ADAMTS6: variants seen among roughly 807,000 people sequenced by gnomAD.
ADAMTS6 encodes A disintegrin and metalloproteinase with thrombospondin motifs 6.
In ADAMTS6, 23 loss-of-function variants were observed where a neutral mutation model predicts 144.3. The ratio of observed to expected loss-of-function variants is 0.16; its 90% CI spans 0.11 to 0.23. The LOEUF is 0.23. ADAMTS6 is among the 10% of genes least tolerant of loss of function. The probability of loss-of-function intolerance (pLI) is 1.00; values close to 1 mark genes in which losing one functional copy is unlikely to be tolerated. For missense variants in ADAMTS6, 999 were observed against 1,379.6 expected (o/e 0.72, Z 4.37); for synonymous variants, 444 against 457.5 (o/e 0.97, Z 0.38).
At chr5:65,472,938 C>T (rs1380370738) in intron 2 of ADAMTS6, among the ~76,000 whole-genome samples, 2 of 152,040 alleles carry the variant, frequency 1.3e-5, no homozygotes, top group Non-Finnish European at 2.9e-5. Flanking sequence ...GAGGGAAATC[C>T]AAAAGGTATG....
chr5:65,394,590 T>G (rs902872641), intron 7 of ADAMTS6, among the ~76,000 whole-genome samples: 1 of 152,180 alleles, frequency 6.6e-6, no homozygotes, highest in East Asian at 1.9e-4. Context: ...ATTGCTCAAG[T>G]AGGGAATTAA....
intron 7 of ADAMTS6, among the ~76,000 whole-genome samples, chr5:65,371,818 T>A (rs573104404): frequency 7.7e-4 from 117 of 152,110 alleles, no homozygotes; most frequent in African/African-American, 2.7e-3. Context: ...GACACATAAT[T>A]GTCAGATTCA....
At chr5:65,374,129 A>G (rs1027406182) in intron 7 of ADAMTS6, among the ~76,000 whole-genome samples, 17 of 152,188 alleles carry the variant, frequency 1.1e-4, no homozygotes, top group Non-Finnish European at 2.1e-4. Context: ...AGAGCTATCT[A>G]TGACAAACCC....
chr5:65,448,680 C>T (rs773812158), intron 7 of ADAMTS6, among the ~76,000 whole-genome samples: 28 of 151,950 alleles, frequency 1.8e-4, no homozygotes, highest in Non-Finnish European at 3.8e-4. Flanking sequence ...GTCTTGATCT[C>T]CTGACCTCAT....
chr5:65,275,820 A>T (rs1762487976), intron 11 of ADAMTS6, among the ~76,000 whole-genome samples: 1 of 152,068 alleles, frequency 6.6e-6, no homozygotes, highest in Non-Finnish European at 1.5e-5. Flanking sequence ...ATGTATCAAA[A>T]ATCTATCCAA....
intron 22 of ADAMTS6, 74 bp from the exon 23 acceptor site, chr5:65,173,082 A>G: frequency 6.9e-7 from 1 of 1,449,510 alleles, no homozygotes; most frequent in South Asian, 1.3e-5. Flanking sequence ...GTCTTTCTTC[A>G]TGTAAATGTG....
chr5:65,369,547 A>G (rs1188121215), intron 7 of ADAMTS6, among the ~76,000 whole-genome samples: 1 of 152,150 alleles, frequency 6.6e-6, no homozygotes, highest in Non-Finnish European at 1.5e-5. Context: ...TTAAAAAAAA[A>G]AACAGTAGAA....
chr5:65,407,298 T>C (rs975171630), intron 7 of ADAMTS6, among the ~76,000 whole-genome samples: 1 of 150,858 alleles, frequency 6.6e-6, no homozygotes, highest in Non-Finnish European at 1.5e-5. Context: ...CGGCAGAAAC[T>C]CTAAAAGCCA....
intron 3 of ADAMTS6, among the ~76,000 whole-genome samples, chr5:65,468,965 A>G (rs1008289578): frequency 3.3e-5 from 5 of 152,054 alleles, no homozygotes; most frequent in African/African-American, 1.2e-4. Context: ...TGCTCTTCAA[A>G]TTCCTCTCCA....
intron 7 of ADAMTS6, among the ~76,000 whole-genome samples, chr5:65,342,349 C>T (rs1747923274): frequency 6.6e-6 from 1 of 152,034 alleles, no homozygotes; most frequent in African/African-American, 2.4e-5. Context: ...GAGAAGAAGG[C>T]TTGTGTAGGG....
At chr5:65,269,275 C>T (rs1043028944) in intron 12 of ADAMTS6, among the ~76,000 whole-genome samples, 10 of 152,094 alleles carry the variant, frequency 6.6e-5, no homozygotes, top group Non-Finnish European at 1.5e-4. Context: ...ATTATCTCTA[C>T]GAAATATATA....
At chr5:65,300,931 G>GT (rs1471239914) in intron 9 of ADAMTS6, among the ~76,000 whole-genome samples, 2 of 152,022 alleles carry the variant, frequency 1.3e-5, no homozygotes, top group Non-Finnish European at 2.9e-5. Flanking sequence ...GCGCCCGGCC[G>GT]TAAGTCCTTT....
intron 4 of ADAMTS6, among the ~76,000 whole-genome samples, chr5:65,455,634 A>C (rs1253059741): frequency 6.6e-6 from 1 of 151,822 alleles, no homozygotes; most frequent in Non-Finnish European, 1.5e-5. Flanking sequence ...TAATGTTTCT[A>C]CTAAAAAAAA....
At chr5:65,462,964 C>T (rs938730787) in intron 3 of ADAMTS6, among the ~76,000 whole-genome samples, 1 of 151,912 alleles carries the variant, frequency 6.6e-6, no homozygotes, top group African/African-American at 2.4e-5. Context: ...CCTGTAATCC[C>T]AGCTACTCGG....
At chr5:65,371,954 T>C (rs1750969349) in intron 7 of ADAMTS6, among the ~76,000 whole-genome samples, 1 of 151,626 alleles carries the variant, frequency 6.6e-6, no homozygotes, top group Admixed American at 6.6e-5. Context: ...CAGAAGAGAG[T>C]GGGCGCCAAT....
rs372973372 is a variant in ADAMTS6 at position 65,300,006 on chromosome 5, T to A, written c.1349A>T (p.Asp450Val). Reference sequence around the variant, plus strand: ...TTACTCTAGAAAGCTGGTGATGTAGTCTCGACTGCAAGCAGACCAGGAAAA... The same window carrying A: ...TTACTCTAGAAAGCTGGTGATGTAGACTCGACTGCAAGCAGACCAGGAAAA... ...NPFSWSACSR[D>V]YITSFLDSGR... Residue 450 changes from aspartate (D) to valine (V), a missense_variant, in exon 10 of 25, where the codon GAC (aspartate) becomes GTC (valine). Asp to Val is a radical substitution (Grantham distance 152). Coordinates refer to ENST00000381055, the MANE Select transcript of ADAMTS6 (RefSeq NM_197941.4). 1 of 1,613,878 alleles carries A rather than the reference T, an allele frequency of 6.2e-7. No homozygotes were observed. The highest frequency in any genetic ancestry group is 1.1e-5 in the South Asian group (1 of 91,020).
At chr5:65,206,699 C>CAAAAAAAAA (rs11296295) in intron 20 of ADAMTS6, among the ~76,000 whole-genome samples, 1 of 77,890 alleles carries the variant, frequency 1.3e-5, no homozygotes, top group African/African-American at 5.1e-5. Flanking sequence ...GACTCCATCT[C>CAAAAAAAAA]AAAAAAAAAA....
At chr5:65,370,762 T>C (rs1580517059) in intron 7 of ADAMTS6, among the ~76,000 whole-genome samples, 2 of 152,268 alleles carry the variant, frequency 1.3e-5, no homozygotes, top group East Asian at 3.9e-4. Context: ...TCCAACTGGG[T>C]GGAGCCCACC....
At chr5:65,272,672 C>A (rs1049536172) in intron 12 of ADAMTS6, among the ~76,000 whole-genome samples, 15 of 152,028 alleles carry the variant, frequency 9.9e-5, no homozygotes, top group African/African-American at 3.6e-4. Flanking sequence ...ATAGTCCCAG[C>A]ACTTTGGGAG....
Sources: allele counts gnomAD v4.1 joint callset (sites outside exome capture counted in the v4.1 genomes callset), GRCh38; gene constraint gnomAD v4.1.1; transcripts MANE v1.5; gene names NCBI Gene and HGNC (gene_info 2026-07-23, HGNC 2026-07-21).